The following ARHGAP15 variants were observed in gnomAD, a reference collection of about 807,000 sequenced individuals.
The protein encoded by ARHGAP15 is rho GTPase-activating protein 15.
ARHGAP15 carries 51 observed loss-of-function variants against 63.7 expected under a neutral mutation model. That is an observed-to-expected ratio of 0.80 (90% CI 0.64 to 1.01). The LOEUF (loss-of-function observed/expected upper bound fraction) is 1.01. ARHGAP15 is among the 50% of genes least tolerant of loss of function. The pLI is 0.00. For synonymous variants in ARHGAP15, 191 were observed against 193.8 expected (o/e 0.99, Z 0.12); for missense variants, 560 against 564.6 (o/e 0.99, Z 0.08).
chr2:143,293,851 A>T (rs1682515911), intron 6 of ARHGAP15, among the ~76,000 whole-genome samples: 1 of 152,036 alleles, frequency 6.6e-6, no homozygotes, highest in South Asian at 2.1e-4. Context: ...TAACACAAAA[A>T]CTCAAAGGTA....
At chr2:143,337,281 G>A (rs116743263) in intron 6 of ARHGAP15, among the ~76,000 whole-genome samples, 1,799 of 152,262 alleles carry the variant, frequency 0.012, 33 homozygotes, top group African/African-American at 0.041. Flanking sequence ...AGGCTAGGGA[G>A]GTGGGAGGAA....
At chr2:143,461,846 T>A (rs1468965961) in intron 8 of ARHGAP15, among the ~76,000 whole-genome samples, 1 of 152,120 alleles carries the variant, frequency 6.6e-6, no homozygotes, top group East Asian at 1.9e-4. Context: ...TAGCAATAGT[T>A]CCAATAGGAT....
intron 10 of ARHGAP15, among the ~76,000 whole-genome samples, chr2:143,544,536 G>T (rs1331319316): frequency 1.3e-5 from 2 of 151,874 alleles, no homozygotes; most frequent in Non-Finnish European, 2.9e-5. Flanking sequence ...TATGTAAAAC[G>T]ATTTAAAAAC....
At chr2:143,172,896 A>G (rs1369889748) in intron 2 of ARHGAP15, among the ~76,000 whole-genome samples, 1 of 152,092 alleles carries the variant, frequency 6.6e-6, no homozygotes, top group Non-Finnish European at 1.5e-5. Context: ...ATTTAATGCT[A>G]CAGAAATAGC....
intron 4 of ARHGAP15, among the ~76,000 whole-genome samples, chr2:143,216,766 T>C (rs998637628): frequency 6.6e-6 from 1 of 152,236 alleles, no homozygotes; most frequent in African/African-American, 2.4e-5. Flanking sequence ...TGCATTCATC[T>C]GCAATACAGA....
intron 1 of ARHGAP15, among the ~76,000 whole-genome samples, chr2:143,136,701 T>A (rs1289155875): frequency 6.6e-6 from 1 of 152,084 alleles, no homozygotes; most frequent in African/African-American, 2.4e-5. Context: ...GAAAATGTAA[T>A]AAATAAAAAC....
At chr2:143,628,419 T>C (rs1355101804) in intron 12 of ARHGAP15, among the ~76,000 whole-genome samples, 1 of 152,164 alleles carries the variant, frequency 6.6e-6, no homozygotes, top group Non-Finnish European at 1.5e-5. Flanking sequence ...TTACATGTGC[T>C]CTTGAGATGC....
At chr2:143,572,807 G>C (rs1307367865) in intron 11 of ARHGAP15, among the ~76,000 whole-genome samples, 1 of 152,022 alleles carries the variant, frequency 6.6e-6, no homozygotes, top group South Asian at 2.1e-4. Context: ...TGCTAATCTA[G>C]TTATGTAGGA....
At chr2:143,323,460 T>C (rs1684112099) in intron 6 of ARHGAP15, among the ~76,000 whole-genome samples, 1 of 152,202 alleles carries the variant, frequency 6.6e-6, no homozygotes, top group Non-Finnish European at 1.5e-5. Flanking sequence ...ATGATCACCT[T>C]TACTTAGCAC....
chr2:143,607,784 G>C (rs1051340094), intron 11 of ARHGAP15: 1 of 152,082 alleles, frequency 6.6e-6, no homozygotes, highest in African/African-American at 2.4e-5. Context: ...GATAGGATTC[G>C]GATATAAATC....
chr2:143,647,212 G>C (rs551845434), intron 12 of ARHGAP15, among the ~76,000 whole-genome samples: 4 of 151,804 alleles, frequency 2.6e-5, no homozygotes, highest in African/African-American at 4.8e-5. Flanking sequence ...ACATGTGGTG[G>C]GTATGAGTGG....
chr2:143,567,319 A>G (rs2105111153), intron 11 of ARHGAP15, among the ~76,000 whole-genome samples: 1 of 152,330 alleles, frequency 6.6e-6, no homozygotes, highest in East Asian at 1.9e-4. Context: ...GAATCTAACA[A>G]ACAAGTGCAT....
chr2:143,677,610 T>A (rs1237107452), intron 12 of ARHGAP15, among the ~76,000 whole-genome samples: 1 of 152,176 alleles, frequency 6.6e-6, no homozygotes, highest in Non-Finnish European at 1.5e-5. Context: ...TTGTTGAAAG[T>A]TTTAAATATT....
intron 13 of ARHGAP15, among the ~76,000 whole-genome samples, chr2:143,714,907 C>T (rs1400785610): frequency 1.3e-5 from 2 of 152,208 alleles, no homozygotes; most frequent in Non-Finnish European, 2.9e-5. Context: ...AACTTTCCCA[C>T]ATTTTCCTGT....
intron 6 of ARHGAP15, among the ~76,000 whole-genome samples, chr2:143,310,792 T>C (rs919002270): frequency 8.5e-5 from 13 of 152,176 alleles, no homozygotes; most frequent in Admixed American, 2.0e-4. Context: ...AACTTTGATG[T>C]ACTGTATAAT....
chr2:143,312,658 T>G (rs1186145344), intron 6 of ARHGAP15, among the ~76,000 whole-genome samples: 1 of 152,166 alleles, frequency 6.6e-6, no homozygotes, highest in Non-Finnish European at 1.5e-5. Flanking sequence ...AACAAGAAAT[T>G]AACACGTTTT....
intron 9 of ARHGAP15, among the ~76,000 whole-genome samples, chr2:143,510,611 C>T (rs566793734): frequency 6.6e-6 from 1 of 152,316 alleles, no homozygotes; most frequent in East Asian, 1.9e-4. Flanking sequence ...ACTTCCACCC[C>T]TCAACATCAT....
At chr2:143,190,208 C>T (rs1691625808) in intron 2 of ARHGAP15, among the ~76,000 whole-genome samples, 1 of 152,172 alleles carries the variant, frequency 6.6e-6, no homozygotes, top group Admixed American at 6.5e-5. Context: ...TAACTCATAT[C>T]TGCCTATTCA....
chr2:143,304,339 C>A (rs545936596), intron 6 of ARHGAP15, among the ~76,000 whole-genome samples: 14 of 152,184 alleles, frequency 9.2e-5, no homozygotes, highest in Admixed American at 9.2e-4. Context: ...TCATTCTCAG[C>A]AAACTATTGC....
Sources: allele counts gnomAD v4.1 joint callset (sites outside exome capture counted in the v4.1 genomes callset), GRCh38; gene constraint gnomAD v4.1.1; transcripts MANE v1.5; gene names NCBI Gene and HGNC (gene_info 2026-07-23, HGNC 2026-07-21).